Variants in FGD6 observed in about 807,000 individuals in gnomAD.
The protein encoded by FGD6 is FYVE, RhoGEF and PH domain-containing protein 6.
Under a neutral mutation model 149.4 loss-of-function variants are expected in FGD6, and 90 were observed. That is an observed-to-expected ratio of 0.60 (90% confidence interval 0.51 to 0.72). FGD6 has a LOEUF of 0.72. FGD6 is among the 30% of genes least tolerant of loss of function. The probability of loss-of-function intolerance (pLI) is 0.00; values close to 1 mark genes in which losing one functional copy is unlikely to be tolerated. For synonymous variants in FGD6, 527 were observed against 584.0 expected, an observed-to-expected ratio of 0.90 and a Z score of 1.41; for missense variants, 1,437 against 1,684.8, an observed-to-expected ratio of 0.85 and a Z score of 2.57.
chr12:95,100,636 G>A, intron 14 of FGD6: 1 of 531,080 alleles, frequency 1.9e-6, no homozygotes, highest in Non-Finnish European at 3.8e-6. Flanking sequence ...CTCTAAACCA[G>A]TGTGCACTAT....
chr12:95,152,135 G>C (rs985617779), intron 5 of FGD6, among the ~76,000 whole-genome samples: 1 of 152,012 alleles, frequency 6.6e-6, no homozygotes, highest in Non-Finnish European at 1.5e-5. Context: ...AGATCAGCCC[G>C]GGTAACATGT....
At chr12:95,084,474 G>C in intron 20 of FGD6, 24 bp downstream of exon 20, 1 of 1,496,862 alleles carries the variant, frequency 6.7e-7, no homozygotes, top group Middle Eastern at 1.8e-4. Flanking sequence ...ATGAATAAAA[G>C]AAAAATATGG....
At chr12:95,195,241 A>G in intron 2 of FGD6, among the ~76,000 whole-genome samples, 1 of 152,220 alleles carries the variant, frequency 6.6e-6, no homozygotes, top group Admixed American at 6.5e-5. Context: ...CATCCCCTCC[A>G]GCAGGTAAAA....
In FGD6 at chr12:95,121,450, CA is replaced by C. The variant is rs1326575097; in HGVS notation, c.3083-7750del. The stretch of plus-strand genomic sequence containing the variant: ...GGGTAATAAGAGTAAAATTCCGTCT[CA>C]AAAAAAAAAAAAGATATATATATAT... On this transcript the variant is annotated intron_variant, in intron 8 of 20. Coordinates refer to ENST00000343958, the MANE Select transcript of FGD6 (RefSeq NM_018351.4). 4.5e-4 allele frequency among the ~76,000 whole-genome samples: 48 copies of C among 105,610 alleles called. 1 individual carries two copies. The highest frequency in any genetic ancestry group is 7.7e-4 in the East Asian group (3 of 3,904). 69.3% of individuals were successfully genotyped at this position (105,610 alleles called of 152,430 possible). A position where few individuals can be genotyped will look rare whatever the true frequency, so the allele number is the denominator to read the frequency against.
intron 8 of FGD6, chr12:95,125,911 CT>C: frequency 7.0e-7 from 1 of 1,428,472 alleles, no homozygotes; most frequent in Non-Finnish European, 9.9e-7. Flanking sequence ...CAGGCCATGC[CT>C]TTCAAGTACA....
chr12:95,197,109 C>G (rs1881753112), intron 2 of FGD6, among the ~76,000 whole-genome samples: 1 of 152,072 alleles, frequency 6.6e-6, no homozygotes, highest in Non-Finnish European at 1.5e-5. Flanking sequence ...TGAACATGCT[C>G]CCTCATCCAG....
Position 95,079,633 on chromosome 12 carries a change from A to T in FGD6, c.*1887T>A, listed in dbSNP as rs1038243111. On this transcript the variant is annotated 3_prime_UTR_variant, in exon 21 of 21. Transcript: ENST00000343958. ...GCCTTATTTATGTGATCTTGATTATATAAAATTGAGCTACAAAGAAATTTT... is the reference window on the plus strand; with the variant it reads ...GCCTTATTTATGTGATCTTGATTATTTAAAATTGAGCTACAAAGAAATTTT... 3 of 152,222 alleles carry T rather than the reference A, an allele frequency of 2.0e-5. No homozygotes were observed. The highest frequency in any genetic ancestry group is 7.2e-5 in the African/African-American group (3 of 41,456). The allele number at this position is 152,222 out of a possible 1,614,324, so 9.4% of individuals were successfully genotyped here. A position where few individuals can be genotyped will look rare whatever the true frequency, so the allele number is the denominator to read the frequency against.
At chr12:95,177,168 G>C (rs1881158243) in intron 2 of FGD6, among the ~76,000 whole-genome samples, 1 of 152,020 alleles carries the variant, frequency 6.6e-6, no homozygotes. Context: ...TTTCCTCTAA[G>C]AGTTTTTAGG....
chr12:95,167,203 C>T (rs573273884), intron 3 of FGD6, among the ~76,000 whole-genome samples: 2 of 152,252 alleles, frequency 1.3e-5, no homozygotes, highest in South Asian at 4.2e-4. Flanking sequence ...GAACATTCCT[C>T]TACAAGTTTT....
At chr12:95,101,355 A>G (rs899240611) in intron 14 of FGD6, among the ~76,000 whole-genome samples, 2 of 152,128 alleles carry the variant, frequency 1.3e-5, no homozygotes. Flanking sequence ...AAAAGAAAAA[A>G]GTCACAGAAA....
Position 95,152,358 on chromosome 12 carries a change from T to C in FGD6, c.2685+453A>G, listed in dbSNP as rs74609880. Among the ~76,000 whole-genome samples the C allele has an allele frequency of 8.9e-3, 1,353 of 152,154 alleles. 2 individuals are homozygous for C. The highest frequency in any genetic ancestry group is 0.014 in the Non-Finnish European group (930 of 68,008). Reference sequence around the variant, plus strand: ...AAAAAAACAAAAAAAAGTTGACCATTTAAAAAACAGAAAATAGAACTAAAA... The same window carrying C: ...AAAAAAACAAAAAAAAGTTGACCATCTAAAAAACAGAAAATAGAACTAAAA... On this transcript the variant is annotated intron_variant, in intron 5 of 20. Transcript: ENST00000343958.
intron 3 of FGD6, among the ~76,000 whole-genome samples, chr12:95,167,440 T>G (rs1325371435): frequency 6.6e-6 from 1 of 152,172 alleles, no homozygotes; most frequent in Non-Finnish European, 1.5e-5. Context: ...CAGTGGTACC[T>G]CACTGAAGCA....
In FGD6 at chr12:95,080,363, G is replaced by A. The variant is rs1877634536; in HGVS notation, c.*1157C>T. On this transcript the variant is annotated 3_prime_UTR_variant, in exon 21 of 21. Transcript: ENST00000343958. ...TTCTTCTGCTAATCAACAATTGTAT[G>A]TGCAAGGTAGTTCATATGTTAAACA... 1 of 152,132 alleles carries A rather than the reference G, an allele frequency of 6.6e-6. No individual in the cohort carries two copies. The highest frequency in any genetic ancestry group is 2.4e-5 in the African/African-American group (1 of 41,422). 9.4% of individuals were successfully genotyped at this position (152,132 alleles called of 1,614,324 possible).
chr12:95,217,247 C>T lies in FGD6; in HGVS notation c.-7G>A. The T allele has an allele frequency of 1.2e-6, 2 of 1,611,712 alleles. No homozygotes were observed. The highest frequency in any genetic ancestry group is 1.7e-5 in the Admixed American group (1 of 59,928). On this transcript the variant is annotated 5_prime_UTR_variant, in exon 1 of 21. Coordinates refer to ENST00000343958, the MANE Select transcript of FGD6 (RefSeq NM_018351.4). ...TACCGGCTGCAGAAGTCATGATTCC[C>T]CGGTGCAGCTCGCTTCCCCGCTCGG...
In FGD6 at chr12:95,130,327, T is replaced by C. The variant is rs149752363; in HGVS notation, c.3082+4412A>G. 7.4e-4 allele frequency among the ~76,000 whole-genome samples: 112 copies of C among 152,252 alleles called. 1 individual carries two copies. Among genetic ancestry groups the C allele is most frequent in the African/African-American group, 2.6e-3 (108 of 41,548 alleles). On this transcript the variant is annotated intron_variant, in intron 8 of 20. Transcript: ENST00000343958. ...GTGGGAGGCACAAACCTACTTACAT[T>C]GAATCAGGCAGGACTCCTTCCCCTT...
intron 2 of FGD6, among the ~76,000 whole-genome samples, chr12:95,179,339 G>GA (rs57452963): frequency 0.016 from 2,237 of 142,024 alleles, 34 homozygotes; most frequent in East Asian, 0.071. Context: ...CCATTTCTAT[G>GA]AAAAAAAAAA....
At position 95,181,749 on chromosome 12, in the gene FGD6, C is replaced by G. The variant is rs144353687; in HGVS notation, c.2442-9005G>C. Among the ~76,000 whole-genome samples, 837 of 152,230 alleles carry G rather than the reference C, an allele frequency of 5.5e-3. 6 individuals are homozygous for G. The highest frequency in any genetic ancestry group is 8.0e-3 in the Non-Finnish European group (543 of 68,020). On this transcript the variant is annotated intron_variant, in intron 2 of 20. Coordinates refer to ENST00000343958, the MANE Select transcript of FGD6 (RefSeq NM_018351.4). Reference sequence around the variant, plus strand: ...CAGGCAGATCACAAGGTCAGGAGATCAAGACCATCCTGGCTAATGCAGTGA... The same window carrying G: ...CAGGCAGATCACAAGGTCAGGAGATGAAGACCATCCTGGCTAATGCAGTGA...
chr12:95,161,941 T>G (rs761791391), intron 3 of FGD6, among the ~76,000 whole-genome samples: 5 of 152,014 alleles, frequency 3.3e-5, no homozygotes, highest in Non-Finnish European at 7.4e-5. Flanking sequence ...TCTGATTGTG[T>G]AGGTCTAAAA....
intron 2 of FGD6, among the ~76,000 whole-genome samples, chr12:95,182,348 G>GC (rs1287396726): frequency 6.6e-6 from 1 of 151,416 alleles, no homozygotes; most frequent in Non-Finnish European, 1.5e-5. Context: ...GACTACAGGT[G>GC]CCCCACCACG....
Sources: allele counts gnomAD v4.1 joint callset (sites outside exome capture counted in the v4.1 genomes callset), GRCh38; gene constraint gnomAD v4.1.1; transcripts MANE v1.5; gene names NCBI Gene and HGNC (gene_info 2026-07-23, HGNC 2026-07-21).